Variants in CSMD2 observed in about 807,000 individuals in gnomAD.
The protein encoded by CSMD2 is CUB and Sushi multiple domains 2, also known as CUB and sushi domain-containing protein 2.
In CSMD2, 130 loss-of-function variants were observed where a neutral mutation model predicts 398.5. The observed-to-expected ratio is 0.33, with a 90% CI of 0.28 to 0.38. The LOEUF (loss-of-function observed/expected upper bound fraction) is 0.38, where lower values mean the gene tolerates loss of function less well. CSMD2 is among the 10% of genes least tolerant of loss of function. The probability of loss-of-function intolerance (pLI) is 1.00; values close to 1 mark genes in which losing one functional copy is unlikely to be tolerated. For synonymous variants in CSMD2, 1,828 were observed against 1,908.5 expected (o/e 0.96, Z 1.10); for missense variants, 3,829 against 4,764.9 (o/e 0.80, Z 5.78).
chr1:34,088,613 T>C (rs752149822), intron 2 of CSMD2, among the ~76,000 whole-genome samples: 9 of 152,346 alleles, frequency 5.9e-5, no homozygotes, highest in Non-Finnish European at 1.0e-4. Context: ...ACGCAAGACA[T>C]ATTCACTGCA....
At chr1:33,789,239 C>T (rs891958850) in intron 11 of CSMD2, among the ~76,000 whole-genome samples, 6 of 148,684 alleles carry the variant, frequency 4.0e-5, no homozygotes, top group Non-Finnish European at 9.0e-5. Flanking sequence ...AGAGTGTAGT[C>T]ATTATCTGAG....
chr1:33,524,202 T>C (rs1377711542), intron 66 of CSMD2, among the ~76,000 whole-genome samples: 2 of 152,264 alleles, frequency 1.3e-5, no homozygotes, highest in Non-Finnish European at 2.9e-5. Flanking sequence ...CTAGTAGATA[T>C]ACTATCATTA....
At chr1:33,780,345 C>T (rs141108819) in intron 12 of CSMD2, among the ~76,000 whole-genome samples, 10 of 152,272 alleles carry the variant, frequency 6.6e-5, no homozygotes, top group South Asian at 6.2e-4. Context: ...TCTGATTATG[C>T]GAAGGGCACC....
At chr1:33,999,604 C>A (rs1249266712) in intron 3 of CSMD2, among the ~76,000 whole-genome samples, 2 of 151,742 alleles carry the variant, frequency 1.3e-5, no homozygotes, top group Non-Finnish European at 2.9e-5. Flanking sequence ...ATTGCCCAGT[C>A]TGGTCTCAAA....
chr1:33,989,049 T>TCC (rs1646462288), intron 3 of CSMD2, among the ~76,000 whole-genome samples: 3 of 53,606 alleles, frequency 5.6e-5, no homozygotes, highest in Non-Finnish European at 9.5e-5. Context: ...TATATATATA[T>TCC]ATATATATAT....
At chr1:33,778,271 C>T (rs1040941729) in intron 12 of CSMD2, among the ~76,000 whole-genome samples, 34 of 152,142 alleles carry the variant, frequency 2.2e-4, no homozygotes, top group African/African-American at 8.2e-4. Flanking sequence ...TCACAGCTTA[C>T]TGCAGCCTCG....
chr1:33,713,332 T>C (rs962009715), intron 21 of CSMD2, among the ~76,000 whole-genome samples: 3 of 152,228 alleles, frequency 2.0e-5, no homozygotes, highest in Non-Finnish European at 4.4e-5. Flanking sequence ...GCATTTGAGA[T>C]GCTGGTCCCT....
In CSMD2 at chr1:33,611,024, G is replaced by A. The variant is rs375757736; in HGVS notation, c.6343+17C>T. The A allele has an allele frequency of 1.9e-5, 30 of 1,610,308 alleles. No homozygotes were observed. In the African/African-American group the frequency reaches 3.5e-4, roughly 19 times the overall value. On this transcript the variant is annotated intron_variant, in intron 41 of 70. Transcript: ENST00000373381. ...GGAGATAGACAGAGAAGCAAAGGCG[G>A]TGCTCCTTGTCCTTACCCTGATACT...
At chr1:33,746,866 G>A (rs1647457800) in intron 13 of CSMD2, among the ~76,000 whole-genome samples, 1 of 152,196 alleles carries the variant, frequency 6.6e-6, no homozygotes, top group African/African-American at 2.4e-5. Flanking sequence ...TCGACCAACA[G>A]ATTGACCAAA....
chr1:33,687,540 TAAC>T (rs999976376), intron 25 of CSMD2, among the ~76,000 whole-genome samples: 1 of 152,070 alleles, frequency 6.6e-6, no homozygotes, highest in African/African-American at 2.4e-5. Context: ...GCAGATCAGC[TAAC>T]AACAGGAAGA....
intron 41 of CSMD2, among the ~76,000 whole-genome samples, chr1:33,610,226 AT>A (rs11367076): frequency 0.2 from 28,710 of 144,076 alleles, 2,819 homozygotes; most frequent in African/African-American, 0.27. Flanking sequence ...CAGTGTTTAG[AT>A]TTTTTTTTTT....
intron 3 of CSMD2, among the ~76,000 whole-genome samples, chr1:33,981,883 G>T (rs1422874667): frequency 2.6e-5 from 4 of 152,204 alleles, no homozygotes; most frequent in African/African-American, 7.2e-5. Context: ...GGTGGAAGGG[G>T]TCCCCTGTGC....
intron 2 of CSMD2, among the ~76,000 whole-genome samples, chr1:34,086,379 C>A (rs1457243400): frequency 1.3e-5 from 2 of 152,178 alleles, no homozygotes; most frequent in Non-Finnish European, 2.9e-5. Context: ...CCCTGACGGC[C>A]TTGAACTCAA....
intron 4 of CSMD2, among the ~76,000 whole-genome samples, chr1:33,928,305 C>T (rs192458636): frequency 7.9e-5 from 12 of 152,320 alleles, no homozygotes; most frequent in Admixed American, 3.3e-4. Context: ...GATAACATTA[C>T]CTTAACCTCC....
At chr1:33,750,883 C>T (rs577476420) in intron 13 of CSMD2, among the ~76,000 whole-genome samples, 2 of 152,154 alleles carry the variant, frequency 1.3e-5, no homozygotes, top group Non-Finnish European at 2.9e-5. Context: ...ATTAGTATTA[C>T]ACCAAAATTA....
At chr1:33,952,994 G>C (rs1274893435) in intron 3 of CSMD2, among the ~76,000 whole-genome samples, 1 of 152,176 alleles carries the variant, frequency 6.6e-6, no homozygotes, top group Non-Finnish European at 1.5e-5. Context: ...ATGTTTGCTG[G>C]ATGGCTGCAC....
At chr1:33,926,282 G>A (rs1399085085) in intron 4 of CSMD2, among the ~76,000 whole-genome samples, 1 of 152,202 alleles carries the variant, frequency 6.6e-6, no homozygotes, top group Non-Finnish European at 1.5e-5. Context: ...GGGAGTGGCT[G>A]AGTCAAGATT....
chr1:33,541,451 T>C, intron 58 of CSMD2, 142 bp from the exon 59 acceptor site: 2 of 675,152 alleles, frequency 3.0e-6, no homozygotes, highest in Non-Finnish European at 5.1e-6. Context: ...AGGATCCCAG[T>C]TGGACATTAC....
chr1:34,092,595 G>A (rs905953146), intron 1 of CSMD2, among the ~76,000 whole-genome samples: 1 of 151,620 alleles, frequency 6.6e-6, no homozygotes, highest in Non-Finnish European at 1.5e-5. Context: ...GCCTCACTCG[G>A]GACGTGCAAG....
Sources: allele counts gnomAD v4.1 joint callset (sites outside exome capture counted in the v4.1 genomes callset), GRCh38; gene constraint gnomAD v4.1.1; transcripts MANE v1.5; gene names NCBI Gene and HGNC (gene_info 2026-07-23, HGNC 2026-07-21).